RAB3C: variants seen among roughly 807,000 people sequenced by gnomAD.
RAB3C encodes ras-related protein Rab-3C.
A neutral mutation model predicts 26.4 loss-of-function variants in RAB3C; 17 were observed. That is an observed-to-expected ratio of 0.64 (90% CI 0.44 to 0.97). RAB3C has a LOEUF of 0.97. Ranked by LOEUF, RAB3C falls within the 50% of genes least tolerant of loss-of-function variation. The pLI is 0.00. For synonymous variants in RAB3C, 91 were observed against 95.9 expected (o/e 0.95, Z 0.30); for missense variants, 242 against 281.9 (o/e 0.86, Z 1.01).
At chr5:58,658,129 T>C (rs1747820838) in intron 2 of RAB3C, among the ~76,000 whole-genome samples, 1 of 152,246 alleles carries the variant, frequency 6.6e-6, no homozygotes, top group Non-Finnish European at 1.5e-5. Flanking sequence ...GTTGCAGGTA[T>C]AGTATTAGAC....
At chr5:58,593,835 G>A (rs1489020601) in intron 1 of RAB3C, among the ~76,000 whole-genome samples, 1 of 152,178 alleles carries the variant, frequency 6.6e-6, no homozygotes, top group African/African-American at 2.4e-5. Flanking sequence ...CTAGTGAATG[G>A]TGAAAAGAAA....
intron 2 of RAB3C, among the ~76,000 whole-genome samples, chr5:58,712,132 T>C (rs546413237): frequency 1.1e-3 from 167 of 152,288 alleles, no homozygotes; most frequent in African/African-American, 3.9e-3. Context: ...TTACTTCAGC[T>C]TACATTGATT....
upstream of RAB3C, among the ~76,000 whole-genome samples, chr5:58,582,814 A>C (rs1312410500): frequency 1.3e-5 from 2 of 152,212 alleles, no homozygotes; most frequent in African/African-American, 4.8e-5. Flanking sequence ...AGCTGGGGTC[A>C]CATTCGCCTG....
chr5:58,696,542 G>C (rs533796670), intron 2 of RAB3C, among the ~76,000 whole-genome samples: 15 of 152,062 alleles, frequency 9.9e-5, no homozygotes, highest in Non-Finnish European at 2.2e-4. Flanking sequence ...CTGTGAATCC[G>C]TCTGGTCCTG....
At chr5:58,826,790 GTTATA>G (rs1743491782) in intron 4 of RAB3C, among the ~76,000 whole-genome samples, 1 of 152,190 alleles carries the variant, frequency 6.6e-6, no homozygotes, top group Non-Finnish European at 1.5e-5. Context: ...GAAAAACACT[GTTATA>G]AAGGGGATGA....
intron 3 of RAB3C, among the ~76,000 whole-genome samples, chr5:58,779,317 G>A (rs1449214548): frequency 6.7e-6 from 1 of 148,606 alleles, no homozygotes; most frequent in African/African-American, 2.5e-5. Context: ...ATAGATGGTT[G>A]GAAATATATA....
chr5:58,827,561 G>A (rs545827004), intron 4 of RAB3C, among the ~76,000 whole-genome samples: 1 of 151,250 alleles, frequency 6.6e-6, no homozygotes, highest in African/African-American at 2.4e-5. Flanking sequence ...CTGCTCCATC[G>A]ACTGGCACAC....
chr5:58,629,972 T>TG (rs1293150114), intron 2 of RAB3C, among the ~76,000 whole-genome samples: 1 of 152,212 alleles, frequency 6.6e-6, no homozygotes, highest in Non-Finnish European at 1.5e-5. Context: ...GTTGGTTTCC[T>TG]GGGAAGGTTG....
intron 3 of RAB3C, among the ~76,000 whole-genome samples, chr5:58,727,252 T>C (rs562504608): frequency 6.6e-6 from 1 of 152,002 alleles, no homozygotes; most frequent in South Asian, 2.1e-4. Context: ...ATTTTAATTG[T>C]TCATCTAGGA....
chr5:58,855,126 A>C lies in RAB3C; in HGVS notation c.*3775A>C, dbSNP rs1259193935. ...CTTTATCCAACATGTATCTTAGTGCATGGTTGAGGATGTACTATGTGATAT... is the reference window on the plus strand; with the variant it reads ...CTTTATCCAACATGTATCTTAGTGCCTGGTTGAGGATGTACTATGTGATAT... On this transcript the variant is annotated 3_prime_UTR_variant, in exon 5 of 5. Coordinates refer to ENST00000282878, the MANE Select transcript of RAB3C (RefSeq NM_138453.4). 6.6e-6 allele frequency: 1 copy of C among 152,120 alleles called. No homozygotes were observed. The highest frequency in any genetic ancestry group is 2.1e-4 in the South Asian group (1 of 4,836). The allele number at this position is 152,120 out of a possible 1,614,324, so 9.4% of individuals were successfully genotyped here. A position where few individuals can be genotyped will look rare whatever the true frequency, so the allele number is the denominator to read the frequency against.
intron 2 of RAB3C, among the ~76,000 whole-genome samples, chr5:58,725,221 G>C (rs1290836523): frequency 2.6e-5 from 4 of 151,706 alleles, no homozygotes; most frequent in Admixed American, 6.6e-5. Context: ...TGGATGGCAG[G>C]TTTCTTCAGC....
chr5:58,666,570 T>C (rs1748006434), intron 2 of RAB3C, among the ~76,000 whole-genome samples: 1 of 152,190 alleles, frequency 6.6e-6, no homozygotes, highest in African/African-American at 2.4e-5. Flanking sequence ...AGATATTGAA[T>C]CTCTAACAAG....
chr5:58,732,289 A>G (rs943040893), intron 3 of RAB3C, among the ~76,000 whole-genome samples: 16 of 151,370 alleles, frequency 1.1e-4, no homozygotes, highest in African/African-American at 3.4e-4. Context: ...AGGCCAAAAA[A>G]ATTTTTTTAT....
At chr5:58,810,700 G>A (rs1414805945) in intron 3 of RAB3C, among the ~76,000 whole-genome samples, 2 of 152,086 alleles carry the variant, frequency 1.3e-5, no homozygotes, top group Non-Finnish European at 2.9e-5. Context: ...AGGTTCAAGC[G>A]ATTCTCCTGC....
intron 3 of RAB3C, among the ~76,000 whole-genome samples, chr5:58,761,412 T>A (rs1194552500): frequency 1.3e-5 from 2 of 152,218 alleles, no homozygotes; most frequent in Non-Finnish European, 2.9e-5. Flanking sequence ...AAATATTTTT[T>A]AAATTTAATT....
chr5:58,833,046 T>A (rs548480894), intron 4 of RAB3C, among the ~76,000 whole-genome samples: 1 of 152,266 alleles, frequency 6.6e-6, no homozygotes, highest in Admixed American at 6.5e-5. Flanking sequence ...ATTGGGTATG[T>A]TTTATAAGGT....
chr5:58,738,395 G>T (rs1741198532), intron 3 of RAB3C, among the ~76,000 whole-genome samples: 1 of 152,086 alleles, frequency 6.6e-6, no homozygotes, highest in Non-Finnish European at 1.5e-5. Context: ...TTTCAGAAAA[G>T]TGTGTGTGTG....
At chr5:58,659,010 G>A (rs1262958706) in intron 2 of RAB3C, among the ~76,000 whole-genome samples, 3 of 152,172 alleles carry the variant, frequency 2.0e-5, no homozygotes, top group Non-Finnish European at 2.9e-5. Flanking sequence ...TTCTATGACA[G>A]GAGAGATGGG....
chr5:58,638,673 T>C (rs1453777740), intron 2 of RAB3C, among the ~76,000 whole-genome samples: 1 of 152,122 alleles, frequency 6.6e-6, no homozygotes, highest in African/African-American at 2.4e-5. Flanking sequence ...GAAACAAAGT[T>C]CAGAATTGAA....
Sources: gnomAD v4.1 joint callset for allele counts (sites outside exome capture counted in the v4.1 genomes callset) on GRCh38, gnomAD v4.1.1 for gene constraint, MANE v1.5 for transcripts, NCBI Gene and HGNC (gene_info 2026-07-23, HGNC 2026-07-21) for gene names.